The following TAFA2 variants were observed in gnomAD, a reference collection of about 807,000 sequenced individuals.
The protein encoded by TAFA2 is chemokine-like protein TAFA-2.
In TAFA2, 7 loss-of-function variants were observed where a neutral mutation model predicts 18.8. The ratio of observed to expected loss-of-function variants is 0.37; its 90% CI spans 0.21 to 0.70. TAFA2 has a LOEUF of 0.70. TAFA2 is among the 30% of genes least tolerant of loss of function. The probability of loss-of-function intolerance (pLI) is 0.53; values close to 1 mark genes in which losing one functional copy is unlikely to be tolerated. For missense variants in TAFA2, 122 were observed against 158.1 expected (o/e 0.77, Z 1.23); for synonymous variants, 60 against 54.2 (o/e 1.11, Z -0.47).
At chr12:61,873,854 C>A (rs1017771944) in intron 1 of TAFA2, among the ~76,000 whole-genome samples, 1 of 151,876 alleles carries the variant, frequency 6.6e-6, no homozygotes, top group African/African-American at 2.4e-5. Context: ...ATGGTGCCAT[C>A]GGTATTCATA....
At chr12:62,198,490 G>T (rs184922437) in intron 1 of TAFA2, 1 of 152,278 alleles carries the variant, frequency 6.6e-6, no homozygotes, top group Admixed American at 6.5e-5. Context: ...TCCCCGCAGT[G>T]TTCTGCAAGA....
At chr12:61,955,561 C>T (rs1396839361) in intron 1 of TAFA2, among the ~76,000 whole-genome samples, 3 of 124,298 alleles carry the variant, frequency 2.4e-5, no homozygotes, top group South Asian at 2.5e-4. Context: ...AAGATCACGC[C>T]ACTGCACTCC....
chr12:62,020,278 T>C (rs9669783), intron 1 of TAFA2, among the ~76,000 whole-genome samples: 52,535 of 151,854 alleles, frequency 0.35, 9,479 homozygotes, highest in Non-Finnish European at 0.39. Context: ...AGTATTATCA[T>C]ACCAATGCCC....
At chr12:61,881,247 G>A (rs184573344) in intron 1 of TAFA2, among the ~76,000 whole-genome samples, 74 of 152,214 alleles carry the variant, frequency 4.9e-4, no homozygotes, top group African/African-American at 1.8e-3. Context: ...GCATTGCTCA[G>A]TAATCAGGAT....
At chr12:62,098,239 AC>A in intron 1 of TAFA2, among the ~76,000 whole-genome samples, 1 of 152,254 alleles carries the variant, frequency 6.6e-6, no homozygotes, top group African/African-American at 2.4e-5. Flanking sequence ...GAGGTCTGTA[AC>A]ACTCATCAGA....
At chr12:62,172,900 A>AGTCCAAT (rs2062487924) in intron 1 of TAFA2, among the ~76,000 whole-genome samples, 1 of 152,136 alleles carries the variant, frequency 6.6e-6, no homozygotes, top group East Asian at 1.9e-4. Context: ...TAGTCACTGA[A>AGTCCAAT]TAAGCTCAGT....
chr12:62,079,831 C>T (rs566884087), intron 1 of TAFA2, among the ~76,000 whole-genome samples: 1 of 152,192 alleles, frequency 6.6e-6, no homozygotes, highest in Non-Finnish European at 1.5e-5. Flanking sequence ...AGCACACTAA[C>T]AGCAAAGTCA....
At chr12:61,853,751 GTT>G (rs890163605) in intron 2 of TAFA2, among the ~76,000 whole-genome samples, 2 of 151,998 alleles carry the variant, frequency 1.3e-5, no homozygotes, top group Admixed American at 6.6e-5. Flanking sequence ...TGATTGGAGG[GTT>G]TTTTTGTTTT....
At chr12:62,237,787 T>G (rs1239394001) in intron 1 of TAFA2, among the ~76,000 whole-genome samples, 1 of 152,202 alleles carries the variant, frequency 6.6e-6, no homozygotes, top group South Asian at 2.1e-4. Context: ...CTTCAGCTCT[T>G]GAAATCATTC....
chr12:61,938,404 G>T (rs1256277650), intron 1 of TAFA2, among the ~76,000 whole-genome samples: 1 of 152,002 alleles, frequency 6.6e-6, no homozygotes, highest in Non-Finnish European at 1.5e-5. Context: ...CAGGGGTTTG[G>T]TTTACAGATT....
At chr12:61,927,395 A>T (rs2121383825) in intron 1 of TAFA2, among the ~76,000 whole-genome samples, 1 of 152,344 alleles carries the variant, frequency 6.6e-6, no homozygotes, top group African/African-American at 2.4e-5. Flanking sequence ...CCAAATCATG[A>T]GTAAACTGCC....
intron 1 of TAFA2, among the ~76,000 whole-genome samples, chr12:62,106,159 C>A (rs1438262427): frequency 6.6e-6 from 1 of 151,338 alleles, no homozygotes; most frequent in Non-Finnish European, 1.5e-5. Flanking sequence ...ATGGTGAAAC[C>A]CCATCTCTGC....
At chr12:61,810,357 A>G (rs2121003337) in intron 2 of TAFA2, among the ~76,000 whole-genome samples, 2 of 150,860 alleles carry the variant, frequency 1.3e-5, no homozygotes, top group East Asian at 3.9e-4. Context: ...ACTTTAGATC[A>G]TGACTCTTGT....
chr12:62,222,756 C>T (rs1180937216), intron 1 of TAFA2, among the ~76,000 whole-genome samples: 2 of 151,686 alleles, frequency 1.3e-5, no homozygotes, highest in Non-Finnish European at 2.9e-5. Flanking sequence ...TCTCGTGATC[C>T]GCCCGCCTGG....
At chr12:61,797,828 C>G (rs936757517) in intron 2 of TAFA2, among the ~76,000 whole-genome samples, 1 of 152,174 alleles carries the variant, frequency 6.6e-6, no homozygotes, top group Non-Finnish European at 1.5e-5. Flanking sequence ...CTTAGATTTG[C>G]CATGCAAGAG....
intron 1 of TAFA2, among the ~76,000 whole-genome samples, chr12:61,949,537 G>A (rs1452743857): frequency 6.6e-6 from 1 of 152,132 alleles, no homozygotes; most frequent in Non-Finnish European, 1.5e-5. Flanking sequence ...AGCCGGTCAA[G>A]TAGACAGACA....
At chr12:62,064,860 T>G (rs1488751954) in intron 1 of TAFA2, among the ~76,000 whole-genome samples, 1 of 152,024 alleles carries the variant, frequency 6.6e-6, no homozygotes, top group Non-Finnish European at 1.5e-5. Context: ...TACCTATTAC[T>G]GTAGGAATAC....
intron 1 of TAFA2, among the ~76,000 whole-genome samples, chr12:62,129,956 A>C (rs1433785687): frequency 6.6e-6 from 1 of 152,020 alleles, no homozygotes. Context: ...GATAAATAAT[A>C]AGTTTTCATG....
chr12:61,809,058 A>G (rs1307404029), intron 2 of TAFA2, among the ~76,000 whole-genome samples: 2 of 151,612 alleles, frequency 1.3e-5, no homozygotes, highest in Non-Finnish European at 2.9e-5. Context: ...CACAGATGAC[A>G]CCCAAGTTTG....
Sources: allele counts gnomAD v4.1 joint callset (sites outside exome capture counted in the v4.1 genomes callset), GRCh38; gene constraint gnomAD v4.1.1; transcripts MANE v1.5; gene names NCBI Gene and HGNC (gene_info 2026-07-23, HGNC 2026-07-21).